Variants in ZBTB20 observed in about 807,000 individuals in gnomAD.
The protein encoded by ZBTB20 is zinc finger and BTB domain-containing protein 20.
In ZBTB20, 9 loss-of-function variants were observed where a neutral mutation model predicts 56.9. The observed-to-expected ratio is 0.16, with a 90% CI of 0.10 to 0.28. The LOEUF is 0.28. ZBTB20 is among the 10% of genes least tolerant of loss of function. The pLI is 1.00. For missense variants in ZBTB20, 655 were observed against 1,003.0 expected, an observed-to-expected ratio of 0.65 and a Z score of 4.69; for synonymous variants, 417 against 420.7, an observed-to-expected ratio of 0.99 and a Z score of 0.11.
At chr3:114,841,489 T>C (rs564645952) in intron 4 of ZBTB20, among the ~76,000 whole-genome samples, 29 of 152,174 alleles carry the variant, frequency 1.9e-4, no homozygotes, top group Non-Finnish European at 2.4e-4. Flanking sequence ...GTCAGAATAC[T>C]GTTGCAATAA....
At chr3:114,886,516 CA>C (rs1304829482) in intron 4 of ZBTB20, among the ~76,000 whole-genome samples, 1 of 152,168 alleles carries the variant, frequency 6.6e-6, no homozygotes, top group Non-Finnish European at 1.5e-5. Context: ...ACATTTTCTG[CA>C]ACTCTTGATT....
chr3:114,935,504 T>A (rs956007161), intron 3 of ZBTB20, among the ~76,000 whole-genome samples: 20 of 152,118 alleles, frequency 1.3e-4, no homozygotes, highest in African/African-American at 3.9e-4. Flanking sequence ...TTTTCTTTTT[T>A]AAAAAAAATT....
intron 3 of ZBTB20, among the ~76,000 whole-genome samples, chr3:114,924,657 G>A (rs1030074271): frequency 1.3e-5 from 2 of 152,196 alleles, no homozygotes; most frequent in East Asian, 3.8e-4. Context: ...GGTGAAGAAT[G>A]TGTGAATTAA....
intron 7 of ZBTB20, among the ~76,000 whole-genome samples, chr3:114,466,921 G>A (rs1360675630): frequency 6.6e-6 from 1 of 152,182 alleles, no homozygotes. Flanking sequence ...AGGTTTCAGT[G>A]ACTTGAGGAA....
At chr3:114,703,562 A>C (rs1447362122) in intron 5 of ZBTB20, among the ~76,000 whole-genome samples, 1 of 152,196 alleles carries the variant, frequency 6.6e-6, no homozygotes, top group East Asian at 1.9e-4. Context: ...GCAACATTAA[A>C]AAGTAAATTA....
intron 6 of ZBTB20, among the ~76,000 whole-genome samples, chr3:114,674,160 T>C (rs1036881323): frequency 1.3e-5 from 2 of 152,176 alleles, no homozygotes; most frequent in African/African-American, 2.4e-5. Context: ...ACCCAGAACT[T>C]TCATATATTG....
At chr3:115,014,814 T>A (rs2079877713) in intron 2 of ZBTB20, among the ~76,000 whole-genome samples, 1 of 151,780 alleles carries the variant, frequency 6.6e-6, no homozygotes, top group Non-Finnish European at 1.5e-5. Flanking sequence ...TTCATTTGAG[T>A]ACTTTTCTCA....
In ZBTB20 at chr3:114,380,980, T is replaced by A. The variant is rs139350805; in HGVS notation, c.-153-40A>T. 5.2e-5 allele frequency: 20 copies of A among 385,860 alleles called. No homozygotes were observed. The Admixed American group carries it at 6.8e-4, about 13-fold the overall frequency. 23.9% of individuals were successfully genotyped at this position (385,860 alleles called of 1,614,324 possible). Reference sequence around the variant, plus strand: ...GCTTGGATTAGAAGGCCTTAAAGGTTCCTTCCAACTTTAAATTTCTACTCA... The same window carrying A: ...GCTTGGATTAGAAGGCCTTAAAGGTACCTTCCAACTTTAAATTTCTACTCA... On this transcript the variant is annotated intron_variant, in intron 8 of 11. Transcript: ENST00000675478.
At chr3:115,118,946 A>T (rs1443385593) in intron 1 of ZBTB20, among the ~76,000 whole-genome samples, 1 of 152,128 alleles carries the variant, frequency 6.6e-6, no homozygotes, top group Non-Finnish European at 1.5e-5. Context: ...AATGACCCTC[A>T]AATAAAATTT....
chr3:114,859,465 G>A (rs2075409929), intron 4 of ZBTB20, among the ~76,000 whole-genome samples: 1 of 151,394 alleles, frequency 6.6e-6, no homozygotes, highest in Non-Finnish European at 1.5e-5. Context: ...TTTGGTGGAG[G>A]AGGTGCAAAA....
At chr3:114,876,867 T>C (rs1244324488) in intron 4 of ZBTB20, among the ~76,000 whole-genome samples, 1 of 152,198 alleles carries the variant, frequency 6.6e-6, no homozygotes, top group Non-Finnish European at 1.5e-5. Flanking sequence ...TTCTCTCTAA[T>C]GCTTCCATAA....
At chr3:115,139,185 G>A (rs2107340437) in intron 1 of ZBTB20, among the ~76,000 whole-genome samples, 1 of 152,160 alleles carries the variant, frequency 6.6e-6, no homozygotes, top group Admixed American at 6.5e-5. Flanking sequence ...AACATCTGGA[G>A]CTGTGGGTGG....
chr3:114,698,944 C>T (rs571973722), intron 5 of ZBTB20, among the ~76,000 whole-genome samples: 1 of 152,192 alleles, frequency 6.6e-6, no homozygotes, highest in African/African-American at 2.4e-5. Context: ...GGAGAAATAT[C>T]TCTGTAGAAA....
intron 4 of ZBTB20, among the ~76,000 whole-genome samples, chr3:114,824,055 T>C (rs559190272): frequency 2.0e-5 from 3 of 152,098 alleles, no homozygotes; most frequent in East Asian, 3.9e-4. Flanking sequence ...GAAATTCCAC[T>C]GGGGTAAATA....
At chr3:114,792,543 G>A (rs1292239957) in intron 5 of ZBTB20, among the ~76,000 whole-genome samples, 1 of 152,116 alleles carries the variant, frequency 6.6e-6, no homozygotes, top group Non-Finnish European at 1.5e-5. Flanking sequence ...TATGTATACT[G>A]ATGCCCCACA....
At chr3:114,880,860 T>A (rs1019480768) in intron 4 of ZBTB20, among the ~76,000 whole-genome samples, 10 of 152,146 alleles carry the variant, frequency 6.6e-5, no homozygotes, top group Non-Finnish European at 1.2e-4. Context: ...CACACATACA[T>A]ATACACACCA....
intron 6 of ZBTB20, chr3:114,519,852 A>C (rs2046433228): frequency 6.6e-6 from 1 of 152,208 alleles, no homozygotes; most frequent in Admixed American, 6.6e-5. Flanking sequence ...ATAAAACTAC[A>C]TAAACTGTTC....
chr3:114,694,543 G>A (rs2062887082), intron 5 of ZBTB20, among the ~76,000 whole-genome samples: 1 of 151,698 alleles, frequency 6.6e-6, no homozygotes, highest in Non-Finnish European at 1.5e-5. Flanking sequence ...TATAAAAGAA[G>A]AACCCTATAG....
At chr3:114,542,769 C>G (rs932005100) in intron 6 of ZBTB20, among the ~76,000 whole-genome samples, 1 of 152,114 alleles carries the variant, frequency 6.6e-6, no homozygotes, top group Admixed American at 6.6e-5. Flanking sequence ...TGAATCAGAA[C>G]CATTCAGAAT....
Sources: gnomAD v4.1 joint callset for allele counts (sites outside exome capture counted in the v4.1 genomes callset) on GRCh38, gnomAD v4.1.1 for gene constraint, MANE v1.5 for transcripts, NCBI Gene and HGNC (gene_info 2026-07-23, HGNC 2026-07-21) for gene names.